The following SAMD4A variants were observed in gnomAD, a reference collection of about 807,000 sequenced individuals.
SAMD4A encodes protein Smaug homolog 1.
A neutral mutation model predicts 81.3 loss-of-function variants in SAMD4A; 33 were observed. The ratio of observed to expected loss-of-function variants is 0.41; its 90% CI spans 0.31 to 0.54. The LOEUF is 0.54. Ranked by LOEUF, SAMD4A falls within the 20% of genes least tolerant of loss-of-function variation. The probability of loss-of-function intolerance (pLI) is 0.37; values close to 1 mark genes in which losing one functional copy is unlikely to be tolerated. For missense variants in SAMD4A, 854 were observed against 951.1 expected (o/e 0.90, Z 1.34); for synonymous variants, 389 against 382.1 (o/e 1.02, Z -0.21).
At chr14:54,662,187 G>A (rs1211469176) in intron 2 of SAMD4A, among the ~76,000 whole-genome samples, 2 of 152,292 alleles carry the variant, frequency 1.3e-5, no homozygotes, top group East Asian at 1.9e-4. Flanking sequence ...GAAAACTCCA[G>A]CATAGTTAAG....
intron 3 of SAMD4A, 40 bp from the exon 4 acceptor site, chr14:54,736,984 G>C: frequency 1.3e-6 from 2 of 1,587,610 alleles, no homozygotes; most frequent in Non-Finnish European, 1.7e-6. Context: ...CCAGGATAAA[G>C]GGGGGGGAAT....
chr14:54,602,864 G>A (rs1227034578), intron 2 of SAMD4A, among the ~76,000 whole-genome samples: 3 of 151,994 alleles, frequency 2.0e-5, no homozygotes, highest in Non-Finnish European at 4.4e-5. Flanking sequence ...CTAAATGTCT[G>A]GATCCTTGTT....
intron 2 of SAMD4A, among the ~76,000 whole-genome samples, chr14:54,648,283 T>C (rs937601696): frequency 6.6e-6 from 1 of 152,112 alleles, no homozygotes; most frequent in Non-Finnish European, 1.5e-5. Flanking sequence ...GGACTCTGAA[T>C]AGAGGCAGGA....
intron 2 of SAMD4A, among the ~76,000 whole-genome samples, chr14:54,697,627 T>C (rs965520934): frequency 6.6e-6 from 1 of 152,202 alleles, no homozygotes; most frequent in African/African-American, 2.4e-5. Flanking sequence ...CCAGAAAGAC[T>C]GATGTATTCA....
At chr14:54,759,602 A>C (rs987108282) in intron 6 of SAMD4A, among the ~76,000 whole-genome samples, 4 of 152,206 alleles carry the variant, frequency 2.6e-5, no homozygotes, top group Non-Finnish European at 5.9e-5. Flanking sequence ...CATTTTGTAC[A>C]CAGAGAAACT....
chr14:54,708,725 A>G (rs895542331), intron 3 of SAMD4A, among the ~76,000 whole-genome samples: 1 of 152,234 alleles, frequency 6.6e-6, no homozygotes, highest in African/African-American at 2.4e-5. Context: ...AGAGTGATCA[A>G]CTGAGTAAAA....
At position 54,792,205 on chromosome 14, in the gene SAMD4A, A is replaced by T. The variant is rs2039270242; in HGVS notation, c.*3261A>T. 1 of 152,194 alleles carries T rather than the reference A, an allele frequency of 6.6e-6. No individual in the cohort carries two copies. Among genetic ancestry groups the T allele is most frequent in the African/African-American group, 2.4e-5 (1 of 41,448 alleles). The allele number at this position is 152,194 out of a possible 1,614,324, so 9.4% of individuals were successfully genotyped here. On this transcript the variant is annotated 3_prime_UTR_variant, in exon 13 of 13. Transcript: ENST00000554335. ...TTAAACGAGAGCCAGCAAGCAAAAT[A>T]GATGTGGCTGGGTCTGCCTGTCCGG...
chr14:54,603,076 G>A (rs867935203), intron 2 of SAMD4A, among the ~76,000 whole-genome samples: 1 of 152,206 alleles, frequency 6.6e-6, no homozygotes, highest in South Asian at 2.1e-4. Flanking sequence ...CCCTTACTCA[G>A]GTGCCCACCC....
At chr14:54,576,729 G>A (rs2033308997) in intron 2 of SAMD4A, among the ~76,000 whole-genome samples, 1 of 152,184 alleles carries the variant, frequency 6.6e-6, no homozygotes. Context: ...CATAGCCTTT[G>A]ACAAAACCTC....
rs570512941 is a variant in SAMD4A, at chr14:54,705,685, A to T, written c.715+3105A>T. ...TTAGCATTCGTGGCTTCCTCCCTGTATGGATTCCCAATCATTCAACTACCC... is the reference window on the plus strand; with the variant it reads ...TTAGCATTCGTGGCTTCCTCCCTGTTTGGATTCCCAATCATTCAACTACCC... On this transcript the variant is annotated intron_variant, in intron 3 of 12. Coordinates refer to ENST00000554335, the MANE Select transcript of SAMD4A (RefSeq NM_015589.6). Among the ~76,000 whole-genome samples, 122 of 152,192 alleles carry T rather than the reference A, an allele frequency of 8.0e-4. 1 individual carries two copies. The highest frequency in any genetic ancestry group is 3.4e-3 in the Middle Eastern group (1 of 294).
intron 2 of SAMD4A, among the ~76,000 whole-genome samples, chr14:54,662,398 AT>A (rs574829875): frequency 0.011 from 1,408 of 125,736 alleles, 13 homozygotes; most frequent in African/African-American, 0.033. Flanking sequence ...TGGGACACTT[AT>A]TTTTTTTTTT....
intron 3 of SAMD4A, among the ~76,000 whole-genome samples, chr14:54,731,717 GA>G (rs1323918035): frequency 6.6e-6 from 1 of 152,106 alleles, no homozygotes; most frequent in Non-Finnish European, 1.5e-5. Context: ...AGCTTAGAAG[GA>G]AAAAAGATTA....
intron 4 of SAMD4A, among the ~76,000 whole-genome samples, chr14:54,746,126 CT>C (rs1190832060): frequency 6.6e-6 from 1 of 152,196 alleles, no homozygotes; most frequent in Non-Finnish European, 1.5e-5. Context: ...GTTTGTTTCT[CT>C]TTTAACAGTT....
intron 2 of SAMD4A, chr14:54,687,190 C>T: frequency 2.8e-6 from 1 of 355,404 alleles, no homozygotes; most frequent in South Asian, 2.2e-5. Flanking sequence ...TTTAGATTAT[C>T]TTCCATTTTC....
Position 54,630,928 on chromosome 14 carries a change from G to A in SAMD4A, c.196+62816G>A, listed in dbSNP as rs1037345287. Among the ~76,000 whole-genome samples, 41 of 150,964 alleles carry A rather than the reference G, an allele frequency of 2.7e-4. No homozygotes were observed. In the East Asian group the frequency reaches 4.1e-3, roughly 15 times the overall value. ...TTTATATGTGTGTGTGTGTGTGTGT[G>A]TGTGTGTGTGTGTGTGTGTGTGTGT... On this transcript the variant is annotated intron_variant, in intron 2 of 12. Transcript: ENST00000554335.
chr14:54,785,158 A>C (rs2039104020), intron 12 of SAMD4A, among the ~76,000 whole-genome samples: 1 of 152,372 alleles, frequency 6.6e-6, no homozygotes, highest in East Asian at 1.9e-4. Flanking sequence ...CTGGAGCCCA[A>C]AGCAGGCTGA....
chr14:54,595,652 G>A lies in SAMD4A; in HGVS notation c.196+27540G>A, dbSNP rs374340916. On this transcript the variant is annotated intron_variant, in intron 2 of 12. Transcript: ENST00000554335. ...TTAGATATTTAGATACTTGGATTAA[G>A]CAGGGTACTAAAAGTGTTGAATGGG... Among the ~76,000 whole-genome samples, 84 of 152,118 alleles carry A rather than the reference G, an allele frequency of 5.5e-4. No homozygotes were observed. In the South Asian group the frequency reaches 0.015, roughly 28 times the overall value.
intron 2 of SAMD4A, among the ~76,000 whole-genome samples, chr14:54,580,465 A>G (rs1297597460): frequency 1.3e-5 from 2 of 152,184 alleles, no homozygotes; most frequent in Non-Finnish European, 2.9e-5. Flanking sequence ...CTGTTCCAGC[A>G]ATGTCTTCTT....
intron 3 of SAMD4A, among the ~76,000 whole-genome samples, chr14:54,716,925 G>T (rs1195748709): frequency 6.6e-6 from 1 of 152,172 alleles, no homozygotes. Context: ...AAATGCAGAG[G>T]ATGTAGGCTT....
Sources: gnomAD v4.1 joint callset for allele counts (sites outside exome capture counted in the v4.1 genomes callset) on GRCh38, gnomAD v4.1.1 for gene constraint, MANE v1.5 for transcripts, NCBI Gene and HGNC (gene_info 2026-07-23, HGNC 2026-07-21) for gene names.